GLT1D1: variants seen among roughly 807,000 people sequenced by gnomAD.
GLT1D1 encodes glycosyltransferase 1 domain-containing protein 1.
In GLT1D1, 21 loss-of-function variants were observed where a neutral mutation model predicts 28.7. The ratio of observed to expected loss-of-function variants is 0.73; its 90% CI spans 0.52 to 1.05. GLT1D1 has a LOEUF of 1.05. GLT1D1 is among the 50% of genes least tolerant of loss of function. The pLI is 0.00. For missense variants in GLT1D1, 343 were observed against 330.6 expected (o/e 1.04, Z -0.29); for synonymous variants, 147 against 124.8 (o/e 1.18, Z -1.19).
intron 4 of GLT1D1, among the ~76,000 whole-genome samples, chr12:128,904,408 T>C (rs1870618600): frequency 1.3e-5 from 2 of 151,546 alleles, no homozygotes; most frequent in Admixed American, 1.3e-4. Context: ...ATCAATACAG[T>C]TTGGAAGAAA....
chr12:128,934,436 C>A (rs1404963533), intron 4 of GLT1D1, among the ~76,000 whole-genome samples: 1 of 152,124 alleles, frequency 6.6e-6, no homozygotes, highest in Non-Finnish European at 1.5e-5. Context: ...TCAGGTGATC[C>A]ACCCGCCTCG....
chr12:128,920,715 A>C (rs1331398293), intron 4 of GLT1D1, among the ~76,000 whole-genome samples: 2 of 152,226 alleles, frequency 1.3e-5, no homozygotes, highest in Non-Finnish European at 2.9e-5. Flanking sequence ...TGTTGGCAGC[A>C]ATATGCCAGA....
chr12:128,876,882 T>C (rs151187042), intron 2 of GLT1D1, among the ~76,000 whole-genome samples: 1 of 152,346 alleles, frequency 6.6e-6, no homozygotes, highest in East Asian at 1.9e-4. Flanking sequence ...TCTCTTCTAC[T>C]GGACAGAAAT....
At chr12:128,938,233 A>G (rs998273507) in intron 4 of GLT1D1, among the ~76,000 whole-genome samples, 3 of 152,248 alleles carry the variant, frequency 2.0e-5, no homozygotes, top group Non-Finnish European at 4.4e-5. Flanking sequence ...GTTGGAAGAA[A>G]TAAGCTAATG....
intron 4 of GLT1D1, chr12:128,944,336 G>A (rs1483500405): frequency 1.5e-5 from 11 of 751,294 alleles, no homozygotes; most frequent in Admixed American, 3.6e-5. Flanking sequence ...TATCCACAGG[G>A]CCAAATCTTG....
At chr12:128,899,143 TTG>T (rs1309729226) in intron 3 of GLT1D1, 91 bp from the exon 4 acceptor site, 1 of 885,348 alleles carries the variant, frequency 1.1e-6, no homozygotes, top group Admixed American at 1.9e-5. Flanking sequence ...GTGTCTCACG[TTG>T]TCTCTCATAA....
intron 4 of GLT1D1, among the ~76,000 whole-genome samples, chr12:128,929,040 G>A (rs1203099434): frequency 6.6e-6 from 1 of 152,168 alleles, no homozygotes; most frequent in African/African-American, 2.4e-5. Flanking sequence ...GGCCTTTGGG[G>A]GTGATTCAGA....
At chr12:128,906,907 A>C in intron 4 of GLT1D1, 1 of 702,456 alleles carries the variant, frequency 1.4e-6, no homozygotes, top group Admixed American at 2.0e-5. Flanking sequence ...TAAAATATAG[A>C]AAGCAAGACA....
chr12:128,935,933 G>A (rs1874507591), intron 4 of GLT1D1, among the ~76,000 whole-genome samples: 1 of 152,194 alleles, frequency 6.6e-6, no homozygotes, highest in South Asian at 2.1e-4. Flanking sequence ...TGGCTTTGTA[G>A]TAGAGTGGTC....
chr12:128,941,589 T>TTA (rs1875253906), intron 4 of GLT1D1, among the ~76,000 whole-genome samples: 1 of 149,358 alleles, frequency 6.7e-6, no homozygotes, highest in African/African-American at 2.5e-5. Flanking sequence ...TTTTTTTTTT[T>TTA]TGAGACAGAG....
At chr12:128,909,327 T>G (rs1871288121) in intron 4 of GLT1D1, among the ~76,000 whole-genome samples, 1 of 108,106 alleles carries the variant, frequency 9.3e-6, no homozygotes, top group African/African-American at 3.7e-5. Context: ...GAATATTACT[T>G]TCTTTTTTTT....
chr12:128,959,558 C>T (rs1341732700), intron 7 of GLT1D1, among the ~76,000 whole-genome samples: 1 of 151,928 alleles, frequency 6.6e-6, no homozygotes, highest in Non-Finnish European at 1.5e-5. Context: ...ACTGACCATC[C>T]TGGGAAGCGG....
intron 4 of GLT1D1, among the ~76,000 whole-genome samples, chr12:128,933,302 C>A (rs565793876): frequency 6.6e-6 from 1 of 152,382 alleles, no homozygotes; most frequent in East Asian, 1.9e-4. Context: ...CAGGCGGAGC[C>A]GAGTCCCGCG....
intron 7 of GLT1D1, among the ~76,000 whole-genome samples, chr12:128,981,160 G>A (rs545291363): frequency 2.6e-5 from 4 of 152,242 alleles, no homozygotes; most frequent in African/African-American, 9.6e-5. Flanking sequence ...CAGCCAAGAC[G>A]TTGCTTACTC....
intron 2 of GLT1D1, among the ~76,000 whole-genome samples, chr12:128,879,384 T>TTCTC (rs1473040093): frequency 2.4e-5 from 1 of 42,152 alleles, no homozygotes; most frequent in African/African-American, 1.1e-4. Flanking sequence ...TTCTTTTTCT[T>TTCTC]TCTTTCTTTC....
chr12:128,903,146 C>A (rs954724281), intron 4 of GLT1D1, among the ~76,000 whole-genome samples: 6 of 151,772 alleles, frequency 4.0e-5, no homozygotes, highest in Non-Finnish European at 7.4e-5. Flanking sequence ...CCTTCCTTGA[C>A]CCTCCAGAAT....
intron 7 of GLT1D1, among the ~76,000 whole-genome samples, chr12:128,974,108 G>A (rs1490798628): frequency 1.3e-5 from 2 of 152,130 alleles, no homozygotes; most frequent in Non-Finnish European, 2.9e-5. Flanking sequence ...ATCTGTGCGT[G>A]TGGAGGGGGA....
At chr12:128,978,210 T>G (rs1301529253) in intron 7 of GLT1D1, among the ~76,000 whole-genome samples, 1 of 152,088 alleles carries the variant, frequency 6.6e-6, no homozygotes, top group Admixed American at 6.6e-5. Context: ...AATCGGCTTT[T>G]CCGCAGCTCC....
intron 4 of GLT1D1, among the ~76,000 whole-genome samples, chr12:128,902,715 C>T (rs796479869): frequency 9.9e-5 from 15 of 151,522 alleles, no homozygotes; most frequent in African/African-American, 2.9e-4. Context: ...AAACAGCAAA[C>T]GTGGGAACCC....
Sources: gnomAD v4.1 joint callset for allele counts (sites outside exome capture counted in the v4.1 genomes callset) on GRCh38, gnomAD v4.1.1 for gene constraint, MANE v1.5 for transcripts, NCBI Gene and HGNC (gene_info 2026-07-23, HGNC 2026-07-21) for gene names.